PCDH7: variants seen among roughly 807,000 people sequenced by gnomAD.
The protein encoded by PCDH7 is protocadherin 7.
In PCDH7, 17 loss-of-function variants were observed where a neutral mutation model predicts 58.9. That is an observed-to-expected ratio of 0.29 (90% confidence interval 0.20 to 0.43). The LOEUF (loss-of-function observed/expected upper bound fraction) is 0.43. Among genes scored for constraint, PCDH7 ranks in the 20% least tolerant of loss-of-function variants. The probability of loss-of-function intolerance (pLI) is 1.00; values close to 1 mark genes in which losing one functional copy is unlikely to be tolerated. For missense variants in PCDH7, 1,274 were observed against 1,441.0 expected (o/e 0.88, Z 1.88); for synonymous variants, 664 against 616.4 (o/e 1.08, Z -1.14).
At chr4:31,114,363 AT>A (rs907902299) in intron 3 of PCDH7, among the ~76,000 whole-genome samples, 23 of 152,114 alleles carry the variant, frequency 1.5e-4, no homozygotes, top group African/African-American at 5.6e-4. Context: ...TAATGCAAGT[AT>A]TTTGACACTA....
Position 31,024,892 on chromosome 4 carries a change from A to G in PCDH7, c.*7+74677A>G, listed in dbSNP as rs577502803. Among the ~76,000 whole-genome samples, 16 of 152,120 alleles carry G rather than the reference A, an allele frequency of 1.1e-4. No homozygotes were observed. In the East Asian group the frequency reaches 3.1e-3, roughly 30 times the overall value. The stretch of plus-strand genomic sequence containing the variant: ...GGAGTATCTGGGACTACAGGCACGC[A>G]CCACCATGCCCAACTAATTTTTGTA... On this transcript the variant is annotated intron_variant, in intron 3 of 3. Transcript: ENST00000509759.
chr4:30,824,105 TTC>T (rs1423085195), intron 1 of PCDH7, among the ~76,000 whole-genome samples: 1 of 136,604 alleles, frequency 7.3e-6, no homozygotes, highest in Non-Finnish European at 1.6e-5. Flanking sequence ...CTTTCTTTCT[TTC>T]TTTCTTTCTT....
downstream of PCDH7, among the ~76,000 whole-genome samples, chr4:30,734,175 T>C (rs936578658): frequency 6.6e-5 from 10 of 152,072 alleles, no homozygotes; most frequent in African/African-American, 2.4e-4. Flanking sequence ...CAAAACACTT[T>C]CTTTGATGTG....
chr4:30,753,105 A>G (rs1718786719), intron 1 of PCDH7, among the ~76,000 whole-genome samples: 1 of 152,172 alleles, frequency 6.6e-6, no homozygotes, highest in Non-Finnish European at 1.5e-5. Context: ...GGTATGGGAG[A>G]TAAAATACCA....
chr4:30,919,600 A>T (rs1742926783), intron 1 of PCDH7, among the ~76,000 whole-genome samples: 1 of 152,164 alleles, frequency 6.6e-6, no homozygotes, highest in Non-Finnish European at 1.5e-5. Flanking sequence ...CAATATTTTT[A>T]TAGGAATGAT....
intron 3 of PCDH7, among the ~76,000 whole-genome samples, chr4:31,025,598 A>C (rs559982916): frequency 6.6e-6 from 1 of 152,370 alleles, no homozygotes; most frequent in South Asian, 2.1e-4. Context: ...ATGAAGAAAG[A>C]AATGTTTCCA....
chr4:30,926,913 GT>G (rs1743945095), intron 2 of PCDH7, among the ~76,000 whole-genome samples: 3 of 152,180 alleles, frequency 2.0e-5, no homozygotes, highest in Middle Eastern at 6.8e-3. Flanking sequence ...TGTCCAATTA[GT>G]ATGCTTACCA....
chr4:30,978,702 A>G (rs539897478), intron 3 of PCDH7, among the ~76,000 whole-genome samples: 16 of 152,310 alleles, frequency 1.1e-4, no homozygotes, highest in East Asian at 3.9e-4. Flanking sequence ...TTGGCATTCA[A>G]TAAGTGTTTT....
chr4:30,878,194 G>A (rs1172304322), intron 1 of PCDH7, among the ~76,000 whole-genome samples: 1 of 152,092 alleles, frequency 6.6e-6, no homozygotes, highest in African/African-American at 2.4e-5. Flanking sequence ...TTTTAGGTGA[G>A]GCCTCCTTCT....
rs982217948 is a variant in PCDH7, at chr4:31,080,088, T to A, written c.*8-62385T>A. On this transcript the variant is annotated intron_variant, in intron 3 of 3. Transcript: ENST00000509759. The stretch of plus-strand genomic sequence containing the variant: ...TAAAAGCAGGGTCCTTCAACATATT[T>A]AACTTAGCTATTAAATCCTTTCTAG... Among the ~76,000 whole-genome samples, 5 of 152,260 alleles carry A rather than the reference T, an allele frequency of 3.3e-5. 1 individual carries two copies. The highest frequency in any genetic ancestry group is 1.2e-4 in the African/African-American group (5 of 41,572).
At chr4:30,945,387 CTT>C (rs1352230768) in intron 2 of PCDH7, among the ~76,000 whole-genome samples, 1 of 151,908 alleles carries the variant, frequency 6.6e-6, no homozygotes, top group Non-Finnish European at 1.5e-5. Context: ...ATTTTAAACA[CTT>C]TTAAAATTTA....
chr4:31,002,366 T>C (rs1292222534), intron 3 of PCDH7, among the ~76,000 whole-genome samples: 1 of 152,238 alleles, frequency 6.6e-6, no homozygotes, highest in Non-Finnish European at 1.5e-5. Context: ...TTTAATAGCA[T>C]TTAATAGCCC....
chr4:30,776,437 C>T (rs1272880497), intron 1 of PCDH7: 1 of 152,174 alleles, frequency 6.6e-6, no homozygotes, highest in Non-Finnish European at 1.5e-5. Flanking sequence ...CTGCTGGAAG[C>T]ATTTCAGTTC....
At chr4:30,731,098 A>T in exon 2 of PCDH7, 1 of 1,079,272 alleles carries the variant, frequency 9.3e-7, no homozygotes, top group Non-Finnish European at 1.1e-6. Context: ...AAAAAATCCA[A>T]AAGCATATTG....
At chr4:30,856,191 C>CA (rs35107601) in intron 1 of PCDH7, among the ~76,000 whole-genome samples, 62,570 of 148,678 alleles carry the variant, frequency 0.42, 13,177 homozygotes, top group African/African-American at 0.49. Flanking sequence ...AACAGATTAC[C>CA]AAAAAAAAAA....
In PCDH7 at chr4:30,765,125, C is replaced by CTTTTTTTTTTTTTTT. The variant is rs10692198; in HGVS notation, c.70+40541_70+40555dup. On this transcript the variant is annotated intron_variant, in intron 1 of 3. Transcript: ENST00000509759. ...GGAAAGAGAGATAGGACTTCAGATG[C>CTTTTTTTTTTTTTTT]TTTTTTTTTTTTTTTTTTTTTTTTT... Among the ~76,000 whole-genome samples, 158 of 49,210 alleles carry CTTTTTTTTTTTTTTT rather than the reference C, an allele frequency of 3.2e-3. 41 individuals carry two copies. The highest frequency in any genetic ancestry group is 6.4e-3 in the African/African-American group (85 of 13,266). 32.3% of individuals were successfully genotyped at this position (49,210 alleles called of 152,430 possible).
At chr4:30,962,663 T>A (rs1309816351) in intron 3 of PCDH7, among the ~76,000 whole-genome samples, 1 of 150,686 alleles carries the variant, frequency 6.6e-6, no homozygotes, top group Non-Finnish European at 1.5e-5. Flanking sequence ...TGCTCTGTAG[T>A]GGCAGCTATT....
At chr4:31,073,624 T>G (rs558425069) in intron 3 of PCDH7, among the ~76,000 whole-genome samples, 27 of 152,148 alleles carry the variant, frequency 1.8e-4, no homozygotes, top group Non-Finnish European at 3.2e-4. Flanking sequence ...GAAGCATATA[T>G]GTCATATATA....
chr4:30,946,887 CT>C (rs762922643), intron 2 of PCDH7, among the ~76,000 whole-genome samples: 1 of 151,952 alleles, frequency 6.6e-6, no homozygotes, highest in Non-Finnish European at 1.5e-5. Flanking sequence ...TTTTTTTGTG[CT>C]TTTAGTAGGG....
Sources: allele counts gnomAD v4.1 joint callset (sites outside exome capture counted in the v4.1 genomes callset), GRCh38; gene constraint gnomAD v4.1.1; transcripts MANE v1.5; gene names NCBI Gene and HGNC (gene_info 2026-07-23, HGNC 2026-07-21).